Variants in SENP6 observed in about 807,000 individuals in gnomAD.
SENP6 encodes sentrin-specific protease 6.
In SENP6, 41 loss-of-function variants were observed where a neutral mutation model predicts 134.5. That is an observed-to-expected ratio of 0.30 (90% CI 0.24 to 0.40). The LOEUF (loss-of-function observed/expected upper bound fraction) is 0.40. SENP6 is among the 10% of genes least tolerant of loss of function. The pLI is 1.00. For synonymous variants in SENP6, 395 were observed against 429.8 expected, an observed-to-expected ratio of 0.92 and a Z score of 1.00; for missense variants, 1,248 against 1,312.5, an observed-to-expected ratio of 0.95 and a Z score of 0.76.
chr6:75,677,316 A>G, intron 14 of SENP6, 60 bp downstream of exon 14: 2 of 1,143,376 alleles, frequency 1.7e-6, no homozygotes, highest in Non-Finnish European at 2.5e-6. Flanking sequence ...AAAGGGAAAT[A>G]TGTTTTATTT....
chr6:75,690,316 C>T (rs991010002), intron 16 of SENP6, among the ~76,000 whole-genome samples: 10 of 152,090 alleles, frequency 6.6e-5, no homozygotes, highest in Admixed American at 5.2e-4. Context: ...AACGGATAAA[C>T]CAAATGTGGT....
At chr6:75,700,456 A>G (rs947857698) in intron 18 of SENP6, among the ~76,000 whole-genome samples, 7 of 152,142 alleles carry the variant, frequency 4.6e-5, no homozygotes, top group African/African-American at 1.7e-4. Context: ...CTGTAGGTTG[A>G]GAGTCACTGT....
intron 17 of SENP6, among the ~76,000 whole-genome samples, chr6:75,697,065 A>G (rs964325432): frequency 1.3e-5 from 2 of 152,042 alleles, no homozygotes; most frequent in South Asian, 4.1e-4. Flanking sequence ...CACTTTTCCT[A>G]CTGTCTTCTC....
intron 21 of SENP6, 50 bp downstream of exon 21, chr6:75,711,466 CAT>C (rs1562079647): frequency 8.3e-7 from 1 of 1,200,382 alleles, no homozygotes; most frequent in Non-Finnish European, 1.2e-6. Context: ...TAAGTATGCT[CAT>C]AAAACATAAC....
At chr6:75,631,457 T>C (rs1034787727) in intron 3 of SENP6, among the ~76,000 whole-genome samples, 14 of 152,218 alleles carry the variant, frequency 9.2e-5, no homozygotes, top group African/African-American at 2.7e-4. Flanking sequence ...AGTTACTTAA[T>C]GATTAATGTT....
At chr6:75,696,079 T>G (rs899187800) in intron 17 of SENP6, among the ~76,000 whole-genome samples, 156 bp downstream of exon 17, 5 of 152,234 alleles carry the variant, frequency 3.3e-5, no homozygotes, top group Non-Finnish European at 7.3e-5. Flanking sequence ...ATAAATCAGT[T>G]CCATTTTCAT....
chr6:75,639,309 GTGT>G (rs1267021161), intron 5 of SENP6, among the ~76,000 whole-genome samples: 1 of 151,958 alleles, frequency 6.6e-6, no homozygotes, highest in Non-Finnish European at 1.5e-5. Context: ...TCTAACCTAT[GTGT>G]TTTTTAGTAG....
At chr6:75,638,242 G>GTTT (rs59853416) in intron 5 of SENP6, among the ~76,000 whole-genome samples, 1 of 142,316 alleles carries the variant, frequency 7.0e-6, no homozygotes, top group Admixed American at 7.0e-5. Context: ...CTTTTCTTTT[G>GTTT]TTTTTTTTTT....
intron 21 of SENP6, 110 bp from the exon 22 acceptor site, chr6:75,713,403 G>T: frequency 2.3e-6 from 2 of 873,662 alleles, no homozygotes; most frequent in East Asian, 2.5e-5. Context: ...GTCATACAAA[G>T]GGGATTTTGA....
intron 16 of SENP6, among the ~76,000 whole-genome samples, chr6:75,684,089 A>G (rs953787775): frequency 4.0e-5 from 6 of 151,894 alleles, no homozygotes; most frequent in Non-Finnish European, 5.9e-5. Context: ...GTGGTTTGTA[A>G]TTGTCCTTGA....
In SENP6 at chr6:75,659,339, C is replaced by T; in HGVS notation, c.628C>T (p.His210Tyr). The T allele has an allele frequency of 6.2e-7, 1 of 1,608,560 alleles. No homozygotes were observed. The highest frequency in any genetic ancestry group is 8.5e-7 in the Non-Finnish European group (1 of 1,175,182). ...TAAGAGGAAAGTACAACAGAAACGA[C>T]ACTGTAGTACCTATCAGCCTACTCC... is the stretch of plus-strand genomic sequence containing the variant. ...EIKRKVQQKR[H>Y]CSTYQPTPPL... is the part of the protein sequence containing the mutation. The change falls in exon 8 of 24, where the codon CAC becomes TAC. Residue 210 changes from histidine to tyrosine, a missense_variant. Transcript: ENST00000447266.
At chr6:75,630,068 C>CTTT (rs35109678) in intron 3 of SENP6, among the ~76,000 whole-genome samples, 3 of 139,486 alleles carry the variant, frequency 2.2e-5, no homozygotes, top group Admixed American at 7.2e-5. Context: ...CTTGTGATAA[C>CTTT]TTTTTTTTTT....
intron 10 of SENP6, 141 bp downstream of exon 10, chr6:75,667,082 T>A: frequency 2.1e-6 from 1 of 472,480 alleles, no homozygotes; most frequent in Non-Finnish European, 3.8e-6. Flanking sequence ...GGGAGATTAT[T>A]TGGAAGAACA....
At chr6:75,669,006 AAAAAC>A (rs1306043670) in intron 10 of SENP6, among the ~76,000 whole-genome samples, 4 of 152,198 alleles carry the variant, frequency 2.6e-5, no homozygotes, top group South Asian at 2.1e-4. Flanking sequence ...CTCTACAGCT[AAAAAC>A]AAAACAAAAC....
chr6:75,648,204 C>G (rs2784731), intron 7 of SENP6, among the ~76,000 whole-genome samples: 233 of 152,138 alleles, frequency 1.5e-3, no homozygotes, highest in South Asian at 5.8e-3. Context: ...ACCACACCTG[C>G]TAAAACTGTG....
At chr6:75,664,261 A>G (rs699170) in intron 9 of SENP6, among the ~76,000 whole-genome samples, 9,431 of 139,300 alleles carry the variant, frequency 0.068, 953 homozygotes, top group African/African-American at 0.22. Flanking sequence ...CCCTGTTGCT[A>G]AAAAAAAAAA....
At chr6:75,666,424 T>C (rs999921266) in intron 9 of SENP6, among the ~76,000 whole-genome samples, 4 of 150,658 alleles carry the variant, frequency 2.7e-5, no homozygotes, top group Non-Finnish European at 5.9e-5. Flanking sequence ...CTTGCTGATA[T>C]TGCTGTTTGG....
chr6:75,626,471 T>A (rs1768703041), intron 3 of SENP6, among the ~76,000 whole-genome samples: 1 of 152,186 alleles, frequency 6.6e-6, no homozygotes, highest in African/African-American at 2.4e-5. Flanking sequence ...CAAATCTTTA[T>A]CATCCTTTTT....
At chr6:75,674,626 G>T (rs1772945824) in intron 11 of SENP6, among the ~76,000 whole-genome samples, 1 of 152,150 alleles carries the variant, frequency 6.6e-6, no homozygotes, top group Admixed American at 6.5e-5. Context: ...CATGCTTAAT[G>T]TCCCCAAATA....
Sources: allele counts gnomAD v4.1 joint callset (sites outside exome capture counted in the v4.1 genomes callset), GRCh38; gene constraint gnomAD v4.1.1; transcripts MANE v1.5; gene names NCBI Gene and HGNC (gene_info 2026-07-23, HGNC 2026-07-21).